Variants in LOC122319696 observed in about 807,000 individuals in gnomAD.
the LOC122319696 span, among the ~76,000 whole-genome samples, chrX:149,414,924 G>A: frequency 2.8e-4 from 31 of 111,636 alleles, no homozygotes; most frequent in South Asian, 2.3e-3. Flanking sequence ...TACCACCATC[G>A]CTGTTTCATT....
chrX:149,415,450 C>T, the LOC122319696 span, among the ~76,000 whole-genome samples: 1 of 111,459 alleles, frequency 9.0e-6, no homozygotes, highest in South Asian at 3.8e-4. Flanking sequence ...TTGCTAGATC[C>T]CTTCAACTTT....
chrX:149,415,155 G>T, the LOC122319696 span, among the ~76,000 whole-genome samples: 3 of 111,511 alleles, frequency 2.7e-5, no homozygotes, highest in Admixed American at 2.9e-4. Flanking sequence ...ACCTGAAAGG[G>T]CAATAGAGTG....
chrX:149,414,946 T>C, the LOC122319696 span, among the ~76,000 whole-genome samples: 1 of 112,266 alleles, frequency 8.9e-6, no homozygotes, highest in Non-Finnish European at 1.9e-5. Context: ...TGCTGTTGTA[T>C]CTTGTAGGAG....
the LOC122319696 span, among the ~76,000 whole-genome samples, chrX:149,415,062 G>T: frequency 1.2e-4 from 13 of 110,706 alleles, no homozygotes; most frequent in Non-Finnish European, 1.9e-4. Flanking sequence ...TTTACCTTTT[G>T]TGGAATTTCT....
chrX:149,414,911 A>C, the LOC122319696 span, among the ~76,000 whole-genome samples: 6 of 111,968 alleles, frequency 5.4e-5, no homozygotes, highest in Non-Finnish European at 9.4e-5. Flanking sequence ...ATTTTGTTTT[A>C]ATTACCACCA....
the LOC122319696 span, among the ~76,000 whole-genome samples, chrX:149,414,952 A>G: frequency 8.9e-6 from 1 of 111,924 alleles, no homozygotes; most frequent in Non-Finnish European, 1.9e-5. Flanking sequence ...TGTATCTTGT[A>G]GGAGTGTCAT....
At chrX:149,415,386 C>T in the LOC122319696 span, among the ~76,000 whole-genome samples, 1 of 111,225 alleles carries the variant, frequency 9.0e-6, no homozygotes, top group Non-Finnish European at 1.9e-5. Context: ...CTTGTTCTTC[C>T]CTTTTGTGCT....
the LOC122319696 span, among the ~76,000 whole-genome samples, chrX:149,415,425 G>C: frequency 9.9e-5 from 11 of 111,314 alleles, no homozygotes; most frequent in Non-Finnish European, 1.9e-4. Flanking sequence ...GCTTGGGTTT[G>C]ATTGCTCCAT....
At chrX:149,415,003 C>T in the LOC122319696 span, among the ~76,000 whole-genome samples, 2 of 111,485 alleles carry the variant, frequency 1.8e-5, no homozygotes, top group African/African-American at 3.3e-5. Flanking sequence ...AGTGCTTTGG[C>T]TCCTACTCAA....
At chrX:149,414,980 T>G in the LOC122319696 span, among the ~76,000 whole-genome samples, 1 of 111,981 alleles carries the variant, frequency 8.9e-6, no homozygotes, top group African/African-American at 3.2e-5. Context: ...TACAGCATCT[T>G]GGGCCTGGCC....
the LOC122319696 span, among the ~76,000 whole-genome samples, chrX:149,415,238 A>G: frequency 1.8e-5 from 2 of 111,504 alleles, no homozygotes; most frequent in Non-Finnish European, 3.8e-5. Context: ...AAAAAGGGAC[A>G]TGGGCTAATG....
At chrX:149,415,119 G>A in the LOC122319696 span, among the ~76,000 whole-genome samples, 8 of 111,157 alleles carry the variant, frequency 7.2e-5, no homozygotes, top group East Asian at 2.0e-3. Flanking sequence ...TGAAGCAGTC[G>A]TTTTATCACC....
the LOC122319696 span, among the ~76,000 whole-genome samples, chrX:149,415,314 C>T: frequency 9.0e-6 from 1 of 111,367 alleles, no homozygotes; most frequent in Non-Finnish European, 1.9e-5. Flanking sequence ...GAGAAAAGAG[C>T]TTGAGTGAGG....
At chrX:149,414,988 G>A in the LOC122319696 span, among the ~76,000 whole-genome samples, 1 of 111,388 alleles carries the variant, frequency 9.0e-6, no homozygotes, top group Admixed American at 9.5e-5. Flanking sequence ...CTTGGGCCTG[G>A]CCTGAGTGCT....
chrX:149,415,001 G>A, the LOC122319696 span, among the ~76,000 whole-genome samples: 180 of 110,869 alleles, frequency 1.6e-3, 3 homozygotes, highest in Admixed American at 0.017. Context: ...TGAGTGCTTT[G>A]GCTCCTACTC....
chrX:149,415,398 G>C, the LOC122319696 span, among the ~76,000 whole-genome samples: 1 of 111,284 alleles, frequency 9.0e-6, no homozygotes, highest in Non-Finnish European at 1.9e-5. Flanking sequence ...TTTTGTGCTT[G>C]AGATTAATTG....
At chrX:149,414,987 G>C in the LOC122319696 span, among the ~76,000 whole-genome samples, 1 of 111,454 alleles carries the variant, frequency 9.0e-6, no homozygotes, top group African/African-American at 3.3e-5. Context: ...TCTTGGGCCT[G>C]GCCTGAGTGC....
the LOC122319696 span, among the ~76,000 whole-genome samples, chrX:149,414,961 AT>A: frequency 9.1e-6 from 1 of 109,989 alleles, no homozygotes; most frequent in Non-Finnish European, 1.9e-5. Flanking sequence ...TAGGAGTGTC[AT>A]TTTTTTTTAC....
the LOC122319696 span, among the ~76,000 whole-genome samples, chrX:149,415,295 G>A: frequency 9.0e-6 from 1 of 111,519 alleles, no homozygotes; most frequent in South Asian, 3.8e-4. Context: ...ATAGGGGAGG[G>A]TGGATCAAGA....
Sources: allele counts gnomAD v4.1 joint callset (sites outside exome capture counted in the v4.1 genomes callset), GRCh38; gene constraint gnomAD v4.1.1; transcripts MANE v1.5.